Variants in UNC5C observed in about 807,000 individuals in gnomAD.
UNC5C encodes unc-5 netrin receptor C, also known as netrin receptor UNC5C.
Under a neutral mutation model 99.8 loss-of-function variants are expected in UNC5C, and 47 were observed. That is an observed-to-expected ratio of 0.47 (90% confidence interval 0.37 to 0.60). UNC5C has a LOEUF of 0.60. Among genes scored for constraint, UNC5C ranks in the 20% least tolerant of loss-of-function variants. The pLI is 0.00. For missense variants in UNC5C, 1,062 were observed against 1,165.9 expected (o/e 0.91, Z 1.30); for synonymous variants, 487 against 452.2 (o/e 1.08, Z -0.98).
At chr4:95,355,801 A>G (rs1042808482) in intron 1 of UNC5C, among the ~76,000 whole-genome samples, 8 of 152,084 alleles carry the variant, frequency 5.3e-5, no homozygotes, top group Admixed American at 5.2e-4. Flanking sequence ...AGATTCCTAA[A>G]ACTATGTTTC....
chr4:95,411,479 A>G (rs1745992027), intron 1 of UNC5C, among the ~76,000 whole-genome samples: 1 of 152,192 alleles, frequency 6.6e-6, no homozygotes, highest in South Asian at 2.1e-4. Context: ...GGTTTCTTTT[A>G]GAAGTTCCTG....
intron 1 of UNC5C, among the ~76,000 whole-genome samples, chr4:95,393,130 C>T (rs767578221): frequency 2.6e-5 from 4 of 152,238 alleles, no homozygotes; most frequent in Non-Finnish European, 4.4e-5. Flanking sequence ...TGCTCTTCTG[C>T]TATGTGTCAC....
chr4:95,353,230 G>A (rs931677433), intron 1 of UNC5C, among the ~76,000 whole-genome samples: 16 of 152,138 alleles, frequency 1.1e-4, no homozygotes, highest in Non-Finnish European at 2.1e-4. Context: ...ACTGCAGTCA[G>A]CTCTACCACA....
At chr4:95,367,627 G>C (rs1431061270) in intron 1 of UNC5C, among the ~76,000 whole-genome samples, 2 of 151,910 alleles carry the variant, frequency 1.3e-5, no homozygotes, top group African/African-American at 4.8e-5. Flanking sequence ...GTAACTCCTA[G>C]ACAACTGGAC....
chr4:95,540,454 G>A (rs1409100271), intron 1 of UNC5C, among the ~76,000 whole-genome samples: 1 of 152,172 alleles, frequency 6.6e-6, no homozygotes. Flanking sequence ...GGGAGGCAGG[G>A]CGGGGAATGT....
intron 12 of UNC5C, among the ~76,000 whole-genome samples, chr4:95,191,995 TC>T (rs1737130057): frequency 1.3e-5 from 1 of 77,066 alleles, no homozygotes; most frequent in Admixed American, 1.7e-4. Flanking sequence ...CCCCTGCTAA[TC>T]CTCCTCTCCT....
chr4:95,447,975 A>G (rs1226750778), intron 1 of UNC5C, among the ~76,000 whole-genome samples: 2 of 152,064 alleles, frequency 1.3e-5, no homozygotes, highest in African/African-American at 4.8e-5. Flanking sequence ...GATTAATAGG[A>G]AAGGGCTTTC....
At chr4:95,435,376 G>A (rs977597913) in intron 1 of UNC5C, among the ~76,000 whole-genome samples, 5 of 151,938 alleles carry the variant, frequency 3.3e-5, no homozygotes, top group Admixed American at 6.6e-5. Flanking sequence ...TAGGTTCACC[G>A]TCTTCAATTA....
chr4:95,480,468 T>C (rs1198616025), intron 1 of UNC5C, among the ~76,000 whole-genome samples: 1 of 151,890 alleles, frequency 6.6e-6, no homozygotes, highest in African/African-American at 2.4e-5. Context: ...TAATAGAATC[T>C]TGTGAAGAAT....
intron 1 of UNC5C, among the ~76,000 whole-genome samples, chr4:95,535,265 A>C (rs1560497589): frequency 6.6e-6 from 1 of 152,192 alleles, no homozygotes; most frequent in Non-Finnish European, 1.5e-5. Flanking sequence ...GTGATTTTAA[A>C]ACATACCAAT....
chr4:95,541,303 T>G (rs1722912780), intron 1 of UNC5C, among the ~76,000 whole-genome samples: 1 of 152,118 alleles, frequency 6.6e-6, no homozygotes. Context: ...CTTCATCCAA[T>G]GTACCCATGC....
chr4:95,171,609 G>C (rs547343370), intron 14 of UNC5C, among the ~76,000 whole-genome samples: 2 of 152,090 alleles, frequency 1.3e-5, no homozygotes, highest in Admixed American at 1.3e-4. Flanking sequence ...TGGTGTATAT[G>C]TGCCACATTT....
chr4:95,186,789 A>G (rs1282276452), intron 12 of UNC5C, among the ~76,000 whole-genome samples: 1 of 152,114 alleles, frequency 6.6e-6, no homozygotes. Context: ...ATGAGTAGCT[A>G]TGGCTTGTGA....
At chr4:95,303,545 G>C (rs573745858) in intron 2 of UNC5C, among the ~76,000 whole-genome samples, 3 of 151,872 alleles carry the variant, frequency 2.0e-5, no homozygotes, top group Non-Finnish European at 4.4e-5. Flanking sequence ...GCATGGTGGC[G>C]CACGCCTGTA....
chr4:95,181,086 G>T (rs2149349614), intron 14 of UNC5C, among the ~76,000 whole-genome samples: 1 of 152,224 alleles, frequency 6.6e-6, no homozygotes, highest in African/African-American at 2.4e-5. Context: ...GTGGGATTCA[G>T]TGACCCAGAA....
chr4:95,193,803 C>T (rs535543504), intron 12 of UNC5C, among the ~76,000 whole-genome samples: 12 of 152,286 alleles, frequency 7.9e-5, no homozygotes, highest in East Asian at 1.9e-4. Context: ...CCCTCCTCTC[C>T]GGCTTGCAGG....
intron 10 of UNC5C, among the ~76,000 whole-genome samples, chr4:95,214,418 G>A (rs1293917374): frequency 6.6e-6 from 1 of 152,228 alleles, no homozygotes; most frequent in Non-Finnish European, 1.5e-5. Flanking sequence ...GTGATTTATA[G>A]TTTCCGTTTC....
chr4:95,243,332 G>A (rs1739392564), intron 6 of UNC5C, among the ~76,000 whole-genome samples: 1 of 152,046 alleles, frequency 6.6e-6, no homozygotes, highest in South Asian at 2.1e-4. Flanking sequence ...TGGCTTGTCA[G>A]CAACTTCAAA....
intron 1 of UNC5C, among the ~76,000 whole-genome samples, chr4:95,528,967 C>T (rs1337672362): frequency 6.6e-6 from 1 of 151,962 alleles, no homozygotes; most frequent in Non-Finnish European, 1.5e-5. Flanking sequence ...ATAGTTCATT[C>T]CAGCAGAAAG....
Sources: gnomAD v4.1 joint callset for allele counts (sites outside exome capture counted in the v4.1 genomes callset) on GRCh38, gnomAD v4.1.1 for gene constraint, MANE v1.5 for transcripts, NCBI Gene and HGNC (gene_info 2026-07-23, HGNC 2026-07-21) for gene names.